ZNF385D: variants seen among roughly 807,000 people sequenced by gnomAD.
The protein encoded by ZNF385D is zinc finger protein 385D.
Under a neutral mutation model 35.8 loss-of-function variants are expected in ZNF385D, and 15 were observed. The ratio of observed to expected loss-of-function variants is 0.42; its 90% CI spans 0.28 to 0.64. ZNF385D has a LOEUF of 0.64. ZNF385D is among the 30% of genes least tolerant of loss of function. ZNF385D has a pLI of 0.23. For synonymous variants in ZNF385D, 212 were observed against 186.8 expected, an observed-to-expected ratio of 1.13 and a Z score of -1.10; for missense variants, 474 against 494.6, an observed-to-expected ratio of 0.96 and a Z score of 0.39.
At chr3:21,864,384 C>G (rs1487749517) in intron 3 of ZNF385D, among the ~76,000 whole-genome samples, 1 of 152,104 alleles carries the variant, frequency 6.6e-6, no homozygotes, top group African/African-American at 2.4e-5. Flanking sequence ...CAACTACATA[C>G]TCTATGAATT....
At chr3:21,886,675 A>G (rs1430917726) in intron 3 of ZNF385D, among the ~76,000 whole-genome samples, 3 of 152,190 alleles carry the variant, frequency 2.0e-5, no homozygotes, top group Admixed American at 2.0e-4. Flanking sequence ...ATGGAGGTAT[A>G]GACAGCTGAT....
At chr3:21,482,634 G>C (rs1039831942) in intron 4 of ZNF385D, among the ~76,000 whole-genome samples, 3 of 152,102 alleles carry the variant, frequency 2.0e-5, no homozygotes, top group Non-Finnish European at 4.4e-5. Flanking sequence ...GTAATCAGTA[G>C]AATTATCTGT....
rs144414534 is a variant in ZNF385D, at chr3:22,136,171, C to T, written c.325+32646G>A. On this transcript the variant is annotated intron_variant, in intron 3 of 5. Transcript: ENST00000494108. The stretch of plus-strand genomic sequence containing the variant: ...GGCCAAGGCGGATGGATCGCCTGAG[C>T]TCAGGAGTTTGAGACCAGCCTGGGA... 6.0e-3 allele frequency among the ~76,000 whole-genome samples: 917 copies of T among 152,204 alleles called. 8 individuals carry two copies. The highest frequency in any genetic ancestry group is 0.021 in the African/African-American group (873 of 41,562).
chr3:22,363,074 G>T (rs893626285), intron 2 of ZNF385D, among the ~76,000 whole-genome samples: 1 of 152,106 alleles, frequency 6.6e-6, no homozygotes, highest in Non-Finnish European at 1.5e-5. Context: ...TTCTTAATAA[G>T]TTCCTCTTCG....
At chr3:22,269,323 G>A (rs1701056217) in intron 2 of ZNF385D, among the ~76,000 whole-genome samples, 2 of 151,896 alleles carry the variant, frequency 1.3e-5, no homozygotes, top group Non-Finnish European at 2.9e-5. Context: ...GAAATAAAAG[G>A]TCCCCTAAGA....
chr3:21,841,564 C>A (rs192344547), intron 3 of ZNF385D, among the ~76,000 whole-genome samples: 1 of 152,030 alleles, frequency 6.6e-6, no homozygotes, highest in East Asian at 1.9e-4. Flanking sequence ...TTATCCTGAC[C>A]ACTGATAAGG....
At chr3:22,351,189 T>G (rs1022731218) in intron 2 of ZNF385D, among the ~76,000 whole-genome samples, 2 of 152,082 alleles carry the variant, frequency 1.3e-5, no homozygotes, top group African/African-American at 4.8e-5. Flanking sequence ...GAATGCAAAG[T>G]AGCCAGAATT....
At chr3:21,990,841 T>G (rs920638748) in intron 3 of ZNF385D, among the ~76,000 whole-genome samples, 1 of 152,178 alleles carries the variant, frequency 6.6e-6, no homozygotes, top group Non-Finnish European at 1.5e-5. Flanking sequence ...AGCTTGGATT[T>G]CCTTTGAAAA....
chr3:22,270,628 CAT>C (rs1335279763), intron 2 of ZNF385D, among the ~76,000 whole-genome samples: 5 of 151,942 alleles, frequency 3.3e-5, no homozygotes, highest in South Asian at 4.2e-4. Flanking sequence ...TAAGAAAGCA[CAT>C]AGAGGCTATA....
intron 3 of ZNF385D, among the ~76,000 whole-genome samples, chr3:22,104,620 C>T (rs1559371846): frequency 6.6e-6 from 1 of 151,922 alleles, no homozygotes; most frequent in Non-Finnish European, 1.5e-5. Context: ...TTACATTCAA[C>T]ATAAAAACGA....
intron 2 of ZNF385D, among the ~76,000 whole-genome samples, chr3:21,577,210 C>G (rs1192888145): frequency 6.6e-6 from 1 of 152,158 alleles, no homozygotes; most frequent in Non-Finnish European, 1.5e-5. Context: ...CTGTTTACTT[C>G]TATGAAATCT....
intron 3 of ZNF385D, among the ~76,000 whole-genome samples, chr3:21,552,653 G>A (rs1395278651): frequency 6.6e-6 from 1 of 152,162 alleles, no homozygotes; most frequent in Non-Finnish European, 1.5e-5. Flanking sequence ...ATATGTGTCA[G>A]CTTATATAGA....
intron 2 of ZNF385D, among the ~76,000 whole-genome samples, chr3:22,222,261 C>T (rs907438246): frequency 6.6e-6 from 1 of 151,720 alleles, no homozygotes; most frequent in South Asian, 2.1e-4. Context: ...GAGCCACGTC[C>T]GGCTAACCAC....
chr3:22,074,218 CTGAAG>C (rs1700361628), intron 3 of ZNF385D, among the ~76,000 whole-genome samples: 1 of 151,492 alleles, frequency 6.6e-6, no homozygotes, highest in African/African-American at 2.4e-5. Context: ...CTCATTTGCT[CTGAAG>C]AGAAAAGGCA....
intron 3 of ZNF385D, among the ~76,000 whole-genome samples, chr3:22,080,604 A>G (rs1700699322): frequency 1.3e-5 from 2 of 151,966 alleles, no homozygotes; most frequent in Admixed American, 6.5e-5. Flanking sequence ...TTTATATTTT[A>G]TATACAAAAT....
At chr3:21,963,422 A>T (rs1359278832) in intron 3 of ZNF385D, among the ~76,000 whole-genome samples, 3 of 152,168 alleles carry the variant, frequency 2.0e-5, no homozygotes, top group African/African-American at 7.2e-5. Flanking sequence ...TAGGGAGGGG[A>T]AAGAGTTCGC....
At chr3:22,223,373 G>A (rs1396747744) in intron 2 of ZNF385D, among the ~76,000 whole-genome samples, 1 of 152,066 alleles carries the variant, frequency 6.6e-6, no homozygotes, top group African/African-American at 2.4e-5. Flanking sequence ...ACTATGTACA[G>A]TGTTTAATAA....
chr3:21,568,041 A>C (rs2125663867), intron 2 of ZNF385D, among the ~76,000 whole-genome samples: 1 of 151,750 alleles, frequency 6.6e-6, no homozygotes, highest in South Asian at 2.1e-4. Flanking sequence ...AGACAATTTT[A>C]TTTCCCAGAA....
chr3:21,795,253 G>C (rs1575662983), intron 3 of ZNF385D, among the ~76,000 whole-genome samples: 1 of 152,182 alleles, frequency 6.6e-6, no homozygotes, highest in Non-Finnish European at 1.5e-5. Context: ...GTACACAGTT[G>C]CTGTAGGCCT....
Sources: allele counts gnomAD v4.1 joint callset (sites outside exome capture counted in the v4.1 genomes callset), GRCh38; gene constraint gnomAD v4.1.1; transcripts MANE v1.5; gene names NCBI Gene and HGNC (gene_info 2026-07-23, HGNC 2026-07-21).